PRKCB: variants seen among roughly 807,000 people sequenced by gnomAD.
PRKCB encodes the protein protein kinase C beta, also known as protein kinase C beta type.
PRKCB carries 13 observed loss-of-function variants against 81.5 expected under a neutral mutation model. That is an observed-to-expected ratio of 0.16 (90% CI 0.10 to 0.25). The LOEUF is 0.25. PRKCB is among the 10% of genes least tolerant of loss of function. The pLI, the probability that PRKCB is intolerant of heterozygous loss-of-function variation, is 1.00. For synonymous variants in PRKCB, 335 were observed against 321.4 expected (o/e 1.04, Z -0.45); for missense variants, 509 against 875.7 (o/e 0.58, Z 5.29).
intron 5 of PRKCB, among the ~76,000 whole-genome samples, chr16:24,086,762 T>C (rs1306121309): frequency 6.6e-6 from 1 of 152,248 alleles, no homozygotes; most frequent in African/African-American, 2.4e-5. Context: ...CTCTACCTGT[T>C]CCTCAGAGGT....
At chr16:24,020,866 G>A (rs1372068112) in intron 3 of PRKCB, among the ~76,000 whole-genome samples, 6 of 152,102 alleles carry the variant, frequency 3.9e-5, no homozygotes, top group Non-Finnish European at 8.8e-5. Context: ...TTCTCTCTGT[G>A]TGCCTCATTT....
intron 2 of PRKCB, among the ~76,000 whole-genome samples, chr16:23,845,117 T>C (rs879419005): frequency 1.3e-5 from 2 of 152,208 alleles, no homozygotes; most frequent in Non-Finnish European, 2.9e-5. Context: ...GATTAAGTTC[T>C]ATGTGTCAAG....
intron 3 of PRKCB, among the ~76,000 whole-genome samples, chr16:24,027,196 G>A (rs926115780): frequency 7.2e-5 from 11 of 151,790 alleles, no homozygotes; most frequent in African/African-American, 2.2e-4. Context: ...TCCCTGTGTC[G>A]ATGTGTTCTC....
intron 2 of PRKCB, among the ~76,000 whole-genome samples, chr16:23,863,060 T>A (rs908811738): frequency 3.4e-5 from 5 of 148,664 alleles, no homozygotes; most frequent in East Asian, 1.9e-4. Flanking sequence ...CCATGATTTT[T>A]AAAATCATAT....
At position 24,218,816 on chromosome 16, in the gene PRKCB, G is replaced by A; in HGVS notation, c.*4000G>A. 1.0e-6 allele frequency: 1 copy of A among 985,438 alleles called. No homozygotes were observed. Among genetic ancestry groups the A allele is most frequent in the Non-Finnish European group, 1.2e-6 (1 of 829,950 alleles). The allele number at this position is 985,438 out of a possible 1,614,324, so 61.0% of individuals were successfully genotyped here. On this transcript the variant is annotated 3_prime_UTR_variant, in exon 17 of 17. Coordinates refer to ENST00000643927, the MANE Select transcript of PRKCB (RefSeq NM_002738.7). ...ATGTGCAGGGCACTAGGGAATACAA[G>A]GCCTTCTTCCCTGGTTGTCTTGTAA...
intron 10 of PRKCB, among the ~76,000 whole-genome samples, chr16:24,156,663 A>G (rs553900458): frequency 3.3e-5 from 5 of 152,244 alleles, no homozygotes; most frequent in African/African-American, 4.8e-5. Flanking sequence ...ACATCATGCA[A>G]TGGAGACTTG....
intron 2 of PRKCB, among the ~76,000 whole-genome samples, chr16:23,949,411 G>A (rs1964246859): frequency 6.6e-6 from 1 of 152,138 alleles, no homozygotes; most frequent in Non-Finnish European, 1.5e-5. Context: ...GTACTATCTT[G>A]GGCAGAGCTC....
chr16:23,912,924 A>G (rs1456511792), intron 2 of PRKCB, among the ~76,000 whole-genome samples: 1 of 150,754 alleles, frequency 6.6e-6, no homozygotes, highest in East Asian at 2.0e-4. Flanking sequence ...TCCTGGGCTC[A>G]AGTTGTCCTC....
intron 2 of PRKCB, among the ~76,000 whole-genome samples, chr16:23,929,551 C>T (rs893384201): frequency 6.6e-6 from 1 of 152,014 alleles, no homozygotes; most frequent in African/African-American, 2.4e-5. Context: ...TGGAATTCAG[C>T]GACCCCTCAG....
At chr16:24,101,384 A>G (rs1319848843) in intron 7 of PRKCB, among the ~76,000 whole-genome samples, 1 of 152,172 alleles carries the variant, frequency 6.6e-6, no homozygotes, top group Non-Finnish European at 1.5e-5. Flanking sequence ...TGTCTCAACA[A>G]AAAATTTAGC....
chr16:23,884,092 A>G (rs1404701846), intron 2 of PRKCB, among the ~76,000 whole-genome samples: 3 of 152,166 alleles, frequency 2.0e-5, no homozygotes, highest in African/African-American at 7.2e-5. Flanking sequence ...ATTCAACCAC[A>G]CTTCAAGTAC....
rs1266165407 is a variant in PRKCB, at chr16:24,021,030, TTCTTTCTTTC to T, written c.289-11094_289-11085del. Reference sequence around the variant, plus strand: ...TTTCTTTCTTTCTTTCTTTCTTTCTTTCTTTCTTTCTCTTTCTTTCTTTCTTTCCCTCCCT... The same window carrying T: ...TTTCTTTCTTTCTTTCTTTCTTTCTTTCTTTCTTTCTTTCTTTCCCTCCCT... On this transcript the variant is annotated intron_variant, in intron 3 of 16. Transcript: ENST00000643927. Among the ~76,000 whole-genome samples the T allele has an allele frequency of 7.8e-5, 11 of 140,516 alleles. No homozygotes were observed. The East Asian group carries it at 1.1e-3, about 14-fold the overall frequency. The allele number at this position is 140,516 out of a possible 152,430, so 92.2% of individuals were successfully genotyped here.
intron 2 of PRKCB, among the ~76,000 whole-genome samples, chr16:23,908,091 G>A (rs1567309921): frequency 6.6e-6 from 1 of 152,130 alleles, no homozygotes; most frequent in Non-Finnish European, 1.5e-5. Context: ...GGAGTGAGAT[G>A]GAAGAGGAGA....
At chr16:24,040,326 A>G (rs1373260986) in intron 5 of PRKCB, among the ~76,000 whole-genome samples, 2 of 152,090 alleles carry the variant, frequency 1.3e-5, no homozygotes, top group Non-Finnish European at 2.9e-5. Flanking sequence ...GCAGACTGCC[A>G]CACACCATAA....
At chr16:23,933,708 T>C (rs573375954) in intron 2 of PRKCB, among the ~76,000 whole-genome samples, 1 of 146,826 alleles carries the variant, frequency 6.8e-6, no homozygotes, top group Admixed American at 6.8e-5. Flanking sequence ...TATCCATCCA[T>C]CCATTCATCC....
chr16:23,867,718 A>G (rs1249207672), intron 2 of PRKCB, among the ~76,000 whole-genome samples: 1 of 152,098 alleles, frequency 6.6e-6, no homozygotes, highest in East Asian at 1.9e-4. Context: ...CATTATTCCC[A>G]CTTTAAGGAT....
At chr16:24,020,975 T>TCC in intron 3 of PRKCB, among the ~76,000 whole-genome samples, 1 of 102,374 alleles carries the variant, frequency 9.8e-6, no homozygotes, top group Non-Finnish European at 2.0e-5. Flanking sequence ...GAGACTTTTC[T>TCC]TTTTCTTTCT....
chr16:24,100,605 A>C (rs1679037487), intron 7 of PRKCB, among the ~76,000 whole-genome samples: 1 of 152,098 alleles, frequency 6.6e-6, no homozygotes, highest in African/African-American at 2.4e-5. Flanking sequence ...GCCGAGGAGG[A>C]GGGAAACCCA....
At chr16:24,022,499 T>G (rs1308650890) in intron 3 of PRKCB, among the ~76,000 whole-genome samples, 1 of 152,182 alleles carries the variant, frequency 6.6e-6, no homozygotes, top group Non-Finnish European at 1.5e-5. Context: ...CTTTCTTTCT[T>G]TTTTTTGTTT....
Sources: allele counts gnomAD v4.1 joint callset (sites outside exome capture counted in the v4.1 genomes callset), GRCh38; gene constraint gnomAD v4.1.1; transcripts MANE v1.5; gene names NCBI Gene and HGNC (gene_info 2026-07-23, HGNC 2026-07-21).